The following IFT43 variants were observed in gnomAD, a reference collection of about 807,000 sequenced individuals.
IFT43 encodes the protein intraflagellar transport 43.
In IFT43, 33 loss-of-function variants were observed where a neutral mutation model predicts 32.3. That is an observed-to-expected ratio of 1.02 (90% CI 0.77 to 1.37). The LOEUF is 1.37. IFT43 is among the 40% of genes most tolerant of loss of function. IFT43 has a pLI of 0.00. For synonymous variants in IFT43, 93 were observed against 98.2 expected, an observed-to-expected ratio of 0.95 and a Z score of 0.31; for missense variants, 274 against 265.9, an observed-to-expected ratio of 1.03 and a Z score of -0.21.
At chr14:76,068,001 A>C (rs1438140227) in intron 5 of IFT43, among the ~76,000 whole-genome samples, 1 of 152,246 alleles carries the variant, frequency 6.6e-6, no homozygotes, top group Non-Finnish European at 1.5e-5. Flanking sequence ...GCTCTGAAGG[A>C]GCACAGAACT....
chr14:76,013,649 T>TG, intron 2 of IFT43: 1 of 262,398 alleles, frequency 3.8e-6, no homozygotes, highest in Non-Finnish European at 7.7e-6. Flanking sequence ...ATCATATTGC[T>TG]GGGGAAAGGA....
In IFT43 at chr14:75,985,822, C is replaced by T. The variant is rs779037618; in HGVS notation, c.36C>T (p.Arg12=). The change falls in exon 1 of 9, where the codon CGC becomes CGT. Residue 12 remains arginine (R), a synonymous_variant. Coordinates refer to ENST00000314067, the MANE Select transcript of IFT43 (RefSeq NM_001102564.3). The stretch of plus-strand genomic sequence containing the variant: ...TGCTCGACTTGGACGAGGAGCTTCG[C>T]TACAGCTTGGCTACCTCCGTGAGGA... ...EDLLDLDEEL[R]YSLATSRAKM... 1.2e-6 allele frequency: 2 copies of T among 1,614,064 alleles called. No homozygotes were observed. The highest frequency in any genetic ancestry group is 2.2e-5 in the East Asian group (1 of 44,884).
chr14:76,017,503 A>G (rs2036211264), intron 2 of IFT43, among the ~76,000 whole-genome samples: 1 of 151,970 alleles, frequency 6.6e-6, no homozygotes, highest in East Asian at 1.9e-4. Context: ...ATGTTGGCCT[A>G]TAGTTGTTGT....
intron 1 of IFT43, chr14:75,986,341 A>AG: frequency 8.5e-7 from 1 of 1,172,498 alleles, no homozygotes; most frequent in Non-Finnish European, 1.1e-6. Context: ...AGTTAACCTC[A>AG]GTTACCTCAG....
intron 3 of IFT43, among the ~76,000 whole-genome samples, chr14:76,055,181 G>A (rs1318303404): frequency 6.6e-6 from 1 of 151,632 alleles, no homozygotes; most frequent in Non-Finnish European, 1.5e-5. Context: ...CTGTTTCTAC[G>A]AAAAATAGAA....
At position 76,050,865 on chromosome 14, in the gene IFT43, G is replaced by A. The variant is rs932158048; in HGVS notation, c.216-7777G>A. Among the ~76,000 whole-genome samples, 4 of 152,148 alleles carry A rather than the reference G, an allele frequency of 2.6e-5. No homozygotes were observed. The South Asian group carries it at 6.2e-4, about 24-fold the overall frequency. Reference sequence around the variant, plus strand: ...TAAACTCTGCTGCCTTTTCTTGATAGCAGGCATATTACATTTTATATGTTC... The same window carrying A: ...TAAACTCTGCTGCCTTTTCTTGATAACAGGCATATTACATTTTATATGTTC... On this transcript the variant is annotated intron_variant, in intron 3 of 8. Transcript: ENST00000314067.
At chr14:76,004,694 T>A (rs1017090604) in intron 2 of IFT43, among the ~76,000 whole-genome samples, 2 of 152,186 alleles carry the variant, frequency 1.3e-5, no homozygotes, top group Non-Finnish European at 2.9e-5. Flanking sequence ...TTCCATAAGT[T>A]TGTTCTATGT....
At chr14:76,006,746 T>C (rs1207963409) in intron 2 of IFT43, among the ~76,000 whole-genome samples, 1 of 151,934 alleles carries the variant, frequency 6.6e-6, no homozygotes, top group African/African-American at 2.4e-5. Context: ...GTACTGCCAA[T>C]CCACACAAAC....
chr14:76,043,071 A>G (rs1160399831), intron 3 of IFT43, among the ~76,000 whole-genome samples: 1 of 152,202 alleles, frequency 6.6e-6, no homozygotes, highest in Non-Finnish European at 1.5e-5. Flanking sequence ...CCATGCAGCC[A>G]GCTCAGTGCC....
intron 1 of IFT43, 60 bp from the exon 2 acceptor site, chr14:75,988,825 C>T: frequency 2.5e-6 from 4 of 1,611,700 alleles, no homozygotes; most frequent in Non-Finnish European, 3.4e-6. Context: ...GCTGGATTGT[C>T]ATCTCAGTAG....
chr14:76,034,030 C>G (rs1006107049), intron 3 of IFT43, among the ~76,000 whole-genome samples: 2 of 152,132 alleles, frequency 1.3e-5, no homozygotes, highest in Non-Finnish European at 2.9e-5. Flanking sequence ...GTGATAGTAA[C>G]TTTATTGTCA....
intron 2 of IFT43, among the ~76,000 whole-genome samples, chr14:76,010,507 A>G (rs1245696574): frequency 2.0e-5 from 3 of 152,192 alleles, no homozygotes; most frequent in African/African-American, 4.8e-5. Context: ...AGTGAACAAC[A>G]TATATCCATC....
At chr14:76,048,079 C>T (rs2036843579) in intron 3 of IFT43, among the ~76,000 whole-genome samples, 3 of 152,174 alleles carry the variant, frequency 2.0e-5, no homozygotes, top group Admixed American at 2.0e-4. Flanking sequence ...TGCCCAAGGT[C>T]GTACAGCTAA....
intron 3 of IFT43, among the ~76,000 whole-genome samples, chr14:76,055,782 G>T (rs913147824): frequency 6.6e-6 from 1 of 152,164 alleles, no homozygotes; most frequent in Non-Finnish European, 1.5e-5. Context: ...AATATACTCT[G>T]CCAGTTTTCC....
At chr14:76,074,407 C>T (rs1289060547) in intron 5 of IFT43, among the ~76,000 whole-genome samples, 1 of 151,918 alleles carries the variant, frequency 6.6e-6, no homozygotes. Flanking sequence ...TACTGCAGGA[C>T]TCCGTTCTTC....
chr14:76,042,564 G>A (rs1292825620), intron 3 of IFT43, among the ~76,000 whole-genome samples: 1 of 152,262 alleles, frequency 6.6e-6, no homozygotes, highest in Admixed American at 6.5e-5. Flanking sequence ...TCTCTGCAGA[G>A]TTGTGCTCCA....
intron 4 of IFT43, 33 bp downstream of exon 4, chr14:76,058,707 C>G: frequency 6.2e-7 from 1 of 1,610,094 alleles, no homozygotes; most frequent in Non-Finnish European, 8.5e-7. Context: ...CTTATGGTAT[C>G]CTATGTTGAT....
intron 5 of IFT43, among the ~76,000 whole-genome samples, chr14:76,068,324 C>G (rs956690303): frequency 3.3e-5 from 5 of 152,176 alleles, no homozygotes; most frequent in African/African-American, 1.2e-4. Context: ...TTATAGTAAC[C>G]AGAAGAGAAG....
At chr14:76,008,014 A>T (rs1654402083) in intron 2 of IFT43, among the ~76,000 whole-genome samples, 1 of 152,194 alleles carries the variant, frequency 6.6e-6, no homozygotes, top group Non-Finnish European at 1.5e-5. Context: ...TAAATTGGGC[A>T]GTTTGATGAC....
Sources: gnomAD v4.1 joint callset for allele counts (sites outside exome capture counted in the v4.1 genomes callset) on GRCh38, gnomAD v4.1.1 for gene constraint, MANE v1.5 for transcripts, NCBI Gene and HGNC (gene_info 2026-07-23, HGNC 2026-07-21) for gene names.